The following PHF24 variants were observed in gnomAD, a reference collection of about 807,000 sequenced individuals.
The protein encoded by PHF24 is Galpha inhibitory interacting protein.
A neutral mutation model predicts 42.6 loss-of-function variants in PHF24; 25 were observed. The observed-to-expected ratio is 0.59, with a 90% confidence interval of 0.43 to 0.82. PHF24 has a LOEUF of 0.82. Ranked by LOEUF, PHF24 falls within the 40% of genes least tolerant of loss-of-function variation. The pLI is 0.00. For missense variants in PHF24, 470 were observed against 538.1 expected (o/e 0.87, Z 1.25); for synonymous variants, 185 against 204.8 (o/e 0.90, Z 0.83).
At chr9:34,938,934 CAAAAAA>C in the PHF24 span, among the ~76,000 whole-genome samples, 3 of 63,438 alleles carry the variant, frequency 4.7e-5, no homozygotes, top group Admixed American at 2.0e-4. Flanking sequence ...GAGACTCCAT[CAAAAAA>C]AAAAAAAAAA....
chr9:34,709,336 A>G, the PHF24 span: 58 of 1,593,314 alleles, frequency 3.6e-5, no homozygotes, highest in Non-Finnish European at 4.5e-5. Context: ...TCTTGGGTTC[A>G]GGCTTCAAGC....
the PHF24 span, among the ~76,000 whole-genome samples, chr9:34,854,193 TCTA>T: frequency 0.019 from 840 of 44,934 alleles, 9 homozygotes; most frequent in East Asian, 0.12. Flanking sequence ...TAGCAGTCTA[TCTA>T]TTTTTTTTTT....
At chr9:34,960,604 T>G (rs1826557362) in intron 1 of PHF24, among the ~76,000 whole-genome samples, 1 of 152,192 alleles carries the variant, frequency 6.6e-6, no homozygotes. Context: ...TTGTTCCAGA[T>G]CATTGATTTG....
chr9:34,842,803 CTG>C, the PHF24 span, among the ~76,000 whole-genome samples: 2 of 152,192 alleles, frequency 1.3e-5, no homozygotes, highest in African/African-American at 4.8e-5. Context: ...AATTTCCAAA[CTG>C]TTTTCCAAGA....
chr9:34,899,233 C>T, the PHF24 span, among the ~76,000 whole-genome samples: 14 of 152,330 alleles, frequency 9.2e-5, no homozygotes, highest in African/African-American at 1.4e-4. Flanking sequence ...CCTCTGTGGA[C>T]GCTGGAGGGC....
chr9:34,851,976 G>A, the PHF24 span, among the ~76,000 whole-genome samples: 1 of 152,094 alleles, frequency 6.6e-6, no homozygotes, highest in East Asian at 1.9e-4. Flanking sequence ...TGATGCTTGA[G>A]TAACACAGTT....
the PHF24 span, among the ~76,000 whole-genome samples, chr9:34,915,970 T>C: frequency 6.6e-6 from 1 of 152,038 alleles, no homozygotes; most frequent in Non-Finnish European, 1.5e-5. Context: ...GACTGAGTTC[T>C]CACAAAATCA....
At chr9:34,893,618 A>G in the PHF24 span, among the ~76,000 whole-genome samples, 4 of 151,924 alleles carry the variant, frequency 2.6e-5, no homozygotes, top group African/African-American at 4.8e-5. Context: ...AAAAAAGAAA[A>G]AAGAAAAGAA....
At chr9:34,905,630 T>C in the PHF24 span, among the ~76,000 whole-genome samples, 6 of 152,192 alleles carry the variant, frequency 3.9e-5, no homozygotes, top group African/African-American at 4.8e-5. Context: ...ATGTAGAAGA[T>C]GGCATTCAAG....
chr9:34,751,931 A>C, the PHF24 span, among the ~76,000 whole-genome samples: 1 of 152,220 alleles, frequency 6.6e-6, no homozygotes, highest in Non-Finnish European at 1.5e-5. Flanking sequence ...TGGAAATTAA[A>C]TAATATGTTC....
chr9:34,707,215 GAATTCTT>G, the PHF24 span, among the ~76,000 whole-genome samples: 1 of 152,172 alleles, frequency 6.6e-6, no homozygotes, highest in South Asian at 2.1e-4. Flanking sequence ...TGTCATATCT[GAATTCTT>G]ATGTCTCAAA....
the PHF24 span, among the ~76,000 whole-genome samples, chr9:34,854,158 T>G: frequency 6.6e-6 from 1 of 151,292 alleles, no homozygotes; most frequent in Non-Finnish European, 1.5e-5. Context: ...TCTATTTGGT[T>G]CTCTCTTTTC....
chr9:34,751,235 G>T, the PHF24 span, among the ~76,000 whole-genome samples: 1 of 152,098 alleles, frequency 6.6e-6, no homozygotes, highest in Non-Finnish European at 1.5e-5. Flanking sequence ...CATGGTGGCA[G>T]GTGCCTATAA....
the PHF24 span, among the ~76,000 whole-genome samples, chr9:34,859,358 A>G: frequency 6.6e-6 from 1 of 152,078 alleles, no homozygotes; most frequent in Admixed American, 6.6e-5. Context: ...TTTCAGTTTG[A>G]GGGGGGAATT....
Position 34,976,374 on chromosome 9 carries a change from G to C in PHF24, c.643+144G>C, listed in dbSNP as rs937841581. 6.2e-6 allele frequency: 6 copies of C among 965,294 alleles called. No individual in the cohort carries two copies. In the African/African-American group the frequency reaches 9.6e-5, roughly 16 times the overall value. The allele number at this position is 965,294 out of a possible 1,614,324, so 59.8% of individuals were successfully genotyped here. ...CTTGTTCCTGAGTTGTTGGCCAGCA[G>C]AGTCACCTATCCCTGTCACAGCCTG... On this transcript the variant is annotated intron_variant, in intron 4 of 7. Coordinates refer to ENST00000242315, the Ensembl canonical transcript of PHF24.
chr9:34,676,514 C>A, the PHF24 span, among the ~76,000 whole-genome samples: 1 of 152,266 alleles, frequency 6.6e-6, no homozygotes, highest in South Asian at 2.1e-4. Context: ...CAGAGTGAGA[C>A]CCTGGAAGAG....
At chr9:34,931,545 A>C in the PHF24 span, among the ~76,000 whole-genome samples, 1 of 152,072 alleles carries the variant, frequency 6.6e-6, no homozygotes, top group Non-Finnish European at 1.5e-5. Context: ...TGTAACCAAA[A>C]ATCACCTGTA....
the PHF24 span, among the ~76,000 whole-genome samples, chr9:34,774,003 C>G: frequency 6.6e-6 from 1 of 152,082 alleles, no homozygotes; most frequent in African/African-American, 2.4e-5. Flanking sequence ...TTGATGATAG[C>G]AAATGTACTA....
chr9:34,818,674 C>T, the PHF24 span, among the ~76,000 whole-genome samples: 1 of 152,140 alleles, frequency 6.6e-6, no homozygotes, highest in Non-Finnish European at 1.5e-5. Context: ...ACAGTACTCA[C>T]TTTGCCCAGG....
Sources: gnomAD v4.1 joint callset for allele counts (sites outside exome capture counted in the v4.1 genomes callset) on GRCh38, gnomAD v4.1.1 for gene constraint, MANE v1.5 for transcripts, NCBI Gene and HGNC (gene_info 2026-07-23, HGNC 2026-07-21) for gene names.